GNAI2: variants seen among roughly 807,000 people sequenced by gnomAD.
The protein encoded by GNAI2 is G protein subunit alpha i2.
Under a neutral mutation model 36.8 loss-of-function variants are expected in GNAI2, and 4 were observed. The observed-to-expected ratio is 0.11, with a 90% CI of 0.05 to 0.25. The LOEUF (loss-of-function observed/expected upper bound fraction) is 0.25. Ranked by LOEUF, GNAI2 falls within the 10% of genes least tolerant of loss-of-function variation. GNAI2 has a pLI of 1.00. For missense variants in GNAI2, 230 were observed against 481.3 expected, an observed-to-expected ratio of 0.48 and a Z score of 4.89; for synonymous variants, 194 against 194.1, an observed-to-expected ratio of 1.00 and a Z score of 0.01.
rs1251895821 is a variant in GNAI2 at position 50,253,483 on chromosome 3, G to A, written c.464+299G>A. ...TTTGCGGCCGGGCGTGGTGGCTCAC[G>A]CCTGTAATCCCAGCACTTTGGGAGG... On this transcript the variant is annotated intron_variant, in intron 4 of 8. Transcript: ENST00000313601. The surrounding 1 kb of genome is among the most constrained non-coding windows in gnomAD (Gnocchi z 4.2). Among the ~76,000 whole-genome samples, 3 of 152,114 alleles carry A rather than the reference G, an allele frequency of 2.0e-5. No individual in the cohort carries two copies. Among genetic ancestry groups the A allele is most frequent in the Admixed American group, 6.5e-5 (1 of 15,274 alleles).
At chr3:50,248,246 G>A (rs1413759683) in intron 1 of GNAI2, among the ~76,000 whole-genome samples, 1 of 152,002 alleles carries the variant, frequency 6.6e-6, no homozygotes, top group East Asian at 1.9e-4. Flanking sequence ...GAGCGAGACT[G>A]TGTTTCAAAA....
chr3:50,234,531 T>C (rs587603076), upstream of GNAI2, among the ~76,000 whole-genome samples: 1 of 152,260 alleles, frequency 6.6e-6, no homozygotes, highest in East Asian at 1.9e-4. Flanking sequence ...TTTTGTATTT[T>C]AGTAGAGACA....
upstream of GNAI2, among the ~76,000 whole-genome samples, chr3:50,233,892 CTTTTTTTTTTT>C (rs11313623): frequency 1.8e-5 from 2 of 110,232 alleles, no homozygotes; most frequent in African/African-American, 3.8e-5. Context: ...TAACAAGGTT[CTTTTTTTTTTT>C]TTTTTTTTTT....
At chr3:50,232,747 A>G (rs1700090902), upstream of GNAI2, among the ~76,000 whole-genome samples, 1 of 152,184 alleles carries the variant, frequency 6.6e-6, no homozygotes, top group African/African-American at 2.4e-5. Flanking sequence ...GTAGGGAAAC[A>G]GGAGAGCCAA....
In GNAI2 at chr3:50,253,690, G is replaced by A. The variant is rs1217863757; in HGVS notation, c.464+506G>A. Among the ~76,000 whole-genome samples, 2 of 152,204 alleles carry A rather than the reference G, an allele frequency of 1.3e-5. No homozygotes were observed. Among genetic ancestry groups the A allele is most frequent in the Non-Finnish European group, 2.9e-5 (2 of 68,030 alleles). ...ACCTGGGAGGTGGAGCTTGCAGTGAGCGGAGATTGCGCCACTGCACTCTAG... is the reference window on the plus strand; with the variant it reads ...ACCTGGGAGGTGGAGCTTGCAGTGAACGGAGATTGCGCCACTGCACTCTAG... On this transcript the variant is annotated intron_variant, in intron 4 of 8. Coordinates refer to ENST00000313601, the MANE Select transcript of GNAI2 (RefSeq NM_002070.4). The surrounding 1 kb of genome is among the most constrained non-coding windows in gnomAD (Gnocchi z 4.2).
chr3:50,249,803 G>T (rs1700511278), intron 1 of GNAI2, among the ~76,000 whole-genome samples: 1 of 152,246 alleles, frequency 6.6e-6, no homozygotes, highest in Non-Finnish European at 1.5e-5. Context: ...GGCGCCTGAT[G>T]GCATTTGTGA....
At chr3:50,227,962 G>C (rs751106531), upstream of GNAI2, among the ~76,000 whole-genome samples, 2 of 152,208 alleles carry the variant, frequency 1.3e-5, no homozygotes, top group Non-Finnish European at 2.9e-5. The surrounding 1 kb of genome is among the most constrained non-coding windows in gnomAD (Gnocchi z 5.9). Flanking sequence ...AAGCAGATAC[G>C]GGGACATTGG....
At position 50,242,279 on chromosome 3, in the gene GNAI2, G is replaced by A. The variant is rs1405493328; in HGVS notation, c.118+5826G>A. 2.0e-5 allele frequency among the ~76,000 whole-genome samples: 3 copies of A among 152,144 alleles called. No homozygotes were observed. Among genetic ancestry groups the A allele is most frequent in the African/African-American group, 4.8e-5 (2 of 41,430 alleles). On this transcript the variant is annotated intron_variant, in intron 1 of 8. Transcript: ENST00000313601. The surrounding 1 kb of genome is among the most constrained non-coding windows in gnomAD (Gnocchi z 4.8). Reference sequence around the variant, plus strand: ...CCCCTACATCCCGTTGTGCTGTGGGGGGAGGCAGGACCGGGCAGATGGGGG... The same window carrying A: ...CCCCTACATCCCGTTGTGCTGTGGGAGGAGGCAGGACCGGGCAGATGGGGG...
chr3:50,257,173 C>G, intron 7 of GNAI2, 83 bp downstream of exon 7: 1 of 1,204,062 alleles, frequency 8.3e-7, no homozygotes, highest in Non-Finnish European at 1.2e-6. Context: ...CCCTCAGGCG[C>G]CCCCCACTGG....
chr3:50,232,865 AG>A (rs1262875107), upstream of GNAI2, among the ~76,000 whole-genome samples: 2 of 114,008 alleles, frequency 1.8e-5, no homozygotes, highest in Admixed American at 9.0e-5. Context: ...GGGGTAGGGG[AG>A]GGGGTCATTG....
upstream of GNAI2, among the ~76,000 whole-genome samples, chr3:50,231,617 G>A (rs1700069269): frequency 6.6e-6 from 1 of 152,164 alleles, no homozygotes; most frequent in Non-Finnish European, 1.5e-5. Context: ...CACCCTGCAA[G>A]GGGCCTGGAA....
chr3:50,257,156 C>G (rs1700721549), intron 7 of GNAI2, 66 bp downstream of exon 7: 1 of 1,460,582 alleles, frequency 6.8e-7, no homozygotes, highest in African/African-American at 1.4e-5. Context: ...CTATGGTGAC[C>G]AGGTGGCCCT....
rs1312178119 is a variant in GNAI2 at position 50,252,505 on chromosome 3, C to T, written c.270C>T (p.Asn90=). 1 of 1,613,552 alleles carries T rather than the reference C, an allele frequency of 6.2e-7. No homozygotes were observed. The highest frequency in any genetic ancestry group is 1.7e-5 in the Admixed American group (1 of 60,018). Residue 90 remains asparagine (N), a synonymous_variant, in exon 3 of 9, where the codon AAC becomes AAT. Transcript: ENST00000313601. The surrounding 1 kb of genome is among the most constrained non-coding windows in gnomAD (Gnocchi z 4.1). ...SIMAIVKAMG[N]LQIDFADPSR... ...TGGCCATTGTCAAAGCCATGGGCAA[C>T]CTGCAGATCGACTTTGCCGACCCCT...
upstream of GNAI2, chr3:50,230,624 G>A (rs1700052888): frequency 6.1e-6 from 1 of 164,858 alleles, no homozygotes; most frequent in South Asian, 2.0e-4. Flanking sequence ...TAGGAACTCA[G>A]GCCAAGCTGG....
At chr3:50,234,758 C>T (rs1700130938), upstream of GNAI2, among the ~76,000 whole-genome samples, 1 of 152,208 alleles carries the variant, frequency 6.6e-6, no homozygotes, top group Non-Finnish European at 1.5e-5. Flanking sequence ...GCTGGGGCCT[C>T]CTAGCCTCAT....
chr3:50,240,217 G>A (rs1165181998), intron 1 of GNAI2, among the ~76,000 whole-genome samples: 1 of 152,162 alleles, frequency 6.6e-6, no homozygotes, highest in African/African-American at 2.4e-5. Context: ...GGCTGGCTGG[G>A]TAGTGAGTTA....
chr3:50,247,818 T>C (rs587755652), intron 1 of GNAI2, among the ~76,000 whole-genome samples: 1 of 152,392 alleles, frequency 6.6e-6, no homozygotes, highest in East Asian at 1.9e-4. Flanking sequence ...AGGGAACCTC[T>C]GCAGGCCTCT....
upstream of GNAI2, chr3:50,229,903 CAGGCAA>C: frequency 1.3e-5 from 2 of 152,294 alleles, no homozygotes; most frequent in Non-Finnish European, 2.9e-5. Flanking sequence ...AGCACATTGG[CAGGCAA>C]TATGTTCAGG....
At chr3:50,245,876 G>A (rs1433678044) in intron 1 of GNAI2, among the ~76,000 whole-genome samples, 9 of 152,254 alleles carry the variant, frequency 5.9e-5, no homozygotes, top group African/African-American at 2.2e-4. Context: ...CTGCTTGGTA[G>A]TGCTCCCCTT....
Sources: gnomAD v4.1 joint callset for allele counts (sites outside exome capture counted in the v4.1 genomes callset) on GRCh38, gnomAD v4.1.1 for gene constraint, Gnocchi (gnomAD v3.1) non-coding constraint, MANE v1.5 for transcripts, NCBI Gene and HGNC (gene_info 2026-07-23, HGNC 2026-07-21) for gene names.